The following SERPINA1 variants were observed in gnomAD, a reference collection of about 807,000 sequenced individuals.
SERPINA1 encodes the protein serpin family A member 1.
A neutral mutation model predicts 25.4 loss-of-function variants in SERPINA1; 21 were observed. The ratio of observed to expected loss-of-function variants is 0.83; its 90% CI spans 0.59 to 1.19. The LOEUF is 1.19. Ranked by LOEUF, SERPINA1 falls within the 50% of genes most tolerant of loss-of-function variation. SERPINA1 has a pLI of 0.00. For synonymous variants in SERPINA1, 218 were observed against 211.1 expected, an observed-to-expected ratio of 1.03 and a Z score of -0.29; for missense variants, 546 against 509.0, an observed-to-expected ratio of 1.07 and a Z score of -0.70.
intron 1 of SERPINA1, among the ~76,000 whole-genome samples, chr14:94,387,978 G>T (rs1897391198): frequency 6.6e-6 from 1 of 152,134 alleles, no homozygotes; most frequent in African/African-American, 2.4e-5. Flanking sequence ...CACGGTGCAT[G>T]GGGAGGCCCA....
chr14:94,378,440 G>T lies in SERPINA1; in HGVS notation c.*9C>A. The T allele has an allele frequency of 1.2e-6, 2 of 1,613,370 alleles. No individual in the cohort carries two copies. Among genetic ancestry groups the T allele is most frequent in the Admixed American group, 1.7e-5 (1 of 60,024 alleles). On this transcript the variant is annotated 3_prime_UTR_variant, in exon 5 of 5. Coordinates refer to ENST00000393087, the MANE Select transcript of SERPINA1 (RefSeq NM_000295.5). Reference sequence around the variant, plus strand: ...GGATGGAGGGGAGGGGTTGAGGAGCGAGAGGCAGTTATTTTTGGGTGGGAT... The same window carrying T: ...GGATGGAGGGGAGGGGTTGAGGAGCTAGAGGCAGTTATTTTTGGGTGGGAT...
chr14:94,386,117 A>C (rs186037433), intron 1 of SERPINA1, among the ~76,000 whole-genome samples: 1 of 152,218 alleles, frequency 6.6e-6, no homozygotes, highest in Non-Finnish European at 1.5e-5. Context: ...TGGCCCTTCT[A>C]TCAGAGGCAG....
chr14:94,386,439 G>A, intron 1 of SERPINA1, among the ~76,000 whole-genome samples: 1 of 152,172 alleles, frequency 6.6e-6, no homozygotes, highest in East Asian at 1.9e-4. Context: ...CTGTTGAACT[G>A]GGCAATAAAT....
chr14:94,380,848 T>C (rs774988473), intron 3 of SERPINA1, 23 bp downstream of exon 3: 7 of 1,614,074 alleles, frequency 4.3e-6, no homozygotes, highest in Non-Finnish European at 5.9e-6. Flanking sequence ...AGCTTCTTGG[T>C]CACCCTCAGG....
chr14:94,389,568 GGTGGA>G (rs953678386), upstream of SERPINA1: 1 of 152,262 alleles, frequency 6.6e-6, no homozygotes, highest in African/African-American at 2.4e-5. Flanking sequence ...GACTGCTGGG[GGTGGA>G]GGGGAGGGGA....
chr14:94,378,185 C>T lies in SERPINA1; in HGVS notation c.*264G>A, dbSNP rs1028427926. 15 of 556,012 alleles carry T rather than the reference C, an allele frequency of 2.7e-5. No homozygotes were observed. Among genetic ancestry groups the T allele is most frequent in the Non-Finnish European group, 3.9e-5 (12 of 311,082 alleles). 34.4% of individuals were successfully genotyped at this position (556,012 alleles called of 1,614,324 possible). A position where few individuals can be genotyped will look rare whatever the true frequency, so the allele number is the denominator to read the frequency against. On this transcript the variant is annotated 3_prime_UTR_variant, in exon 5 of 5. Transcript: ENST00000393087. Reference sequence around the variant, plus strand: ...CTCCAGAAACAGATGGGCCCAGGTCCGTAAGCTGAGGATTCAGTCCCCCCT... The same window carrying T: ...CTCCAGAAACAGATGGGCCCAGGTCTGTAAGCTGAGGATTCAGTCCCCCCT...
Position 94,383,100 on chromosome 14 carries a change from G to C in SERPINA1, c.138C>G (p.Thr46=), listed in dbSNP as rs1052327215. The part of the protein sequence containing the change: ...DTSHHDQDHP[T]FNKITPNLAE... ...CCAGGTTGGGGGTGATCTTGTTGAA[G>C]GTTGGGTGATCCTGATCATGGTGGG... The change falls in exon 2 of 5, where the codon ACC becomes ACG. Residue 46 remains threonine (T), a synonymous_variant. Transcript: ENST00000393087. 6.2e-6 allele frequency: 10 copies of C among 1,614,124 alleles called. No homozygotes were observed. Among genetic ancestry groups the C allele is most frequent in the Non-Finnish European group, 8.5e-6 (10 of 1,180,044 alleles).
intron 1 of SERPINA1, among the ~76,000 whole-genome samples, chr14:94,384,444 G>A (rs1897163378): frequency 6.6e-6 from 1 of 152,182 alleles, no homozygotes; most frequent in South Asian, 2.1e-4. Flanking sequence ...CATACCCGGG[G>A]CTGAGACAAT....
At chr14:94,387,679 C>T (rs989892561) in intron 1 of SERPINA1, among the ~76,000 whole-genome samples, 4 of 152,172 alleles carry the variant, frequency 2.6e-5, no homozygotes, top group African/African-American at 9.7e-5. Flanking sequence ...GAAACAGTGA[C>T]ACTAGGGCCA....
intron 2 of SERPINA1, 118 bp downstream of exon 2, chr14:94,382,474 G>A (rs982075121): frequency 5.9e-6 from 7 of 1,188,204 alleles, no homozygotes; most frequent in African/African-American, 1.5e-5. Context: ...AAGAATCCAC[G>A]CTGAAAAGCA....
At chr14:94,385,851 T>C (rs1401242834) in intron 1 of SERPINA1, among the ~76,000 whole-genome samples, 1 of 152,160 alleles carries the variant, frequency 6.6e-6, no homozygotes, top group Admixed American at 6.5e-5. Flanking sequence ...TCTGGTTTCC[T>C]CCTTTCACAG....
chr14:94,379,554 G>A lies in SERPINA1; in HGVS notation c.975C>T (p.Ser325=), dbSNP rs764238790. 14 of 1,610,804 alleles carry A rather than the reference G, an allele frequency of 8.7e-6. No homozygotes were observed. The highest frequency in any genetic ancestry group is 3.3e-5 in the South Asian group (3 of 90,944). The part of the protein sequence containing the change: ...LSITGTYDLK[S]VLGQLGITKV... Reference sequence around the variant, plus strand: ...TAGTGATGCCCAGTTGACCCAGGACGCTCTTCAGATCATAGGTTCCAGTAA... The same window carrying A: ...TAGTGATGCCCAGTTGACCCAGGACACTCTTCAGATCATAGGTTCCAGTAA... The change falls in exon 4 of 5, where the codon AGC becomes AGT. Residue 325 remains serine (S), a synonymous_variant. Coordinates refer to ENST00000393087, the MANE Select transcript of SERPINA1 (RefSeq NM_000295.5).
chr14:94,383,313 C>T (rs1595615995), intron 1 of SERPINA1, 72 bp from the exon 2 acceptor site: 3 of 1,523,544 alleles, frequency 2.0e-6, no homozygotes, highest in East Asian at 2.3e-5. Context: ...CAGGGATTGA[C>T]ACCACGTGGA....
chr14:94,389,325 C>T (rs1366122417), upstream of SERPINA1, among the ~76,000 whole-genome samples: 1 of 152,208 alleles, frequency 6.6e-6, no homozygotes, highest in East Asian at 1.9e-4. Context: ...CCCAAGCATG[C>T]TTGTGAAGTG....
Position 94,382,758 on chromosome 14 carries a change from C to G in SERPINA1, c.480G>C (p.Lys160Asn). The change falls in exon 2 of 5, where the codon AAG (lysine) becomes AAC (asparagine). Residue 160 changes from lysine to asparagine, a missense_variant. Lys to Asn is a moderately conservative substitution (Grantham distance 94). Coordinates refer to ENST00000393087, the MANE Select transcript of SERPINA1 (RefSeq NM_000295.5). ...CAGTGAAGGCTTCTGAGTGGTACAA[C>G]TTTTTAACATCCTCCAAAAACTTAT... is the stretch of plus-strand genomic sequence containing the variant. Reference protein sequence around the residue: ...LVDKFLEDVKKLYHSEAFTVN... With the variant: ...LVDKFLEDVKNLYHSEAFTVN... The G allele has an allele frequency of 1.2e-6, 2 of 1,614,258 alleles. No homozygotes were observed. The highest frequency in any genetic ancestry group is 2.7e-5 in the African/African-American group (2 of 75,066).
chr14:94,386,176 G>A (rs953221880), intron 1 of SERPINA1, among the ~76,000 whole-genome samples: 1 of 152,228 alleles, frequency 6.6e-6, no homozygotes, highest in Non-Finnish European at 1.5e-5. Flanking sequence ...CTGGAGAGGA[G>A]AAAGTCGCCA....
Position 94,383,055 on chromosome 14 carries a change from T to G in SERPINA1, c.183A>C (p.Leu61=). 6.2e-7 allele frequency: 1 copy of G among 1,613,894 alleles called. No homozygotes were observed. The highest frequency in any genetic ancestry group is 8.5e-7 in the Non-Finnish European group (1 of 1,179,736). ...TGGACTGGTGTGCCAGCTGGCGGTA[T>G]AGGCTGAAGGCGAACTCAGCCAGGT... ...TPNLAEFAFS[L]YRQLAHQSNS... The change falls in exon 2 of 5, where the codon CTA becomes CTC. Residue 61 remains leucine (L), a synonymous_variant. Coordinates refer to ENST00000393087, the MANE Select transcript of SERPINA1 (RefSeq NM_000295.5).
chr14:94,384,626 G>C (rs543295442), intron 1 of SERPINA1, among the ~76,000 whole-genome samples: 18 of 152,198 alleles, frequency 1.2e-4, no homozygotes, highest in Non-Finnish European at 2.5e-4. Flanking sequence ...GGTAGAACCT[G>C]CCGTCTTCAC....
At chr14:94,383,511 C>G in intron 1 of SERPINA1, 1 of 535,850 alleles carries the variant, frequency 1.9e-6, no homozygotes, top group Admixed American at 3.2e-5. Context: ...TAATATCCTT[C>G]TTTTACAGAT....
Sources: gnomAD v4.1 joint callset for allele counts (sites outside exome capture counted in the v4.1 genomes callset) on GRCh38, gnomAD v4.1.1 for gene constraint, MANE v1.5 for transcripts, NCBI Gene and HGNC (gene_info 2026-07-23, HGNC 2026-07-21) for gene names.